The following MAF variants were observed in gnomAD, a reference collection of about 807,000 sequenced individuals.
The protein encoded by MAF is transcription factor Maf.
MAF carries 10 observed loss-of-function variants against 22.0 expected under a neutral mutation model. That is an observed-to-expected ratio of 0.45 (90% CI 0.28 to 0.77). MAF has a LOEUF of 0.77. Among genes scored for constraint, MAF ranks in the 30% least tolerant of loss-of-function variants. MAF has a pLI of 0.12. For missense variants in MAF, 544 were observed against 548.4 expected (o/e 0.99, Z 0.08); for synonymous variants, 337 against 255.8 (o/e 1.32, Z -3.03).
the MAF span, among the ~76,000 whole-genome samples, chr16:79,431,382 C>A: frequency 6.6e-6 from 1 of 152,198 alleles, no homozygotes; most frequent in African/African-American, 2.4e-5. Flanking sequence ...TAACATTAAG[C>A]AAGTTATTTA....
the MAF span, among the ~76,000 whole-genome samples, chr16:79,561,353 A>G: frequency 0.015 from 2,238 of 150,290 alleles, 49 homozygotes; most frequent in African/African-American, 0.053. Context: ...TTTAGGGTAC[A>G]TGTGCACAAC....
At chr16:79,514,490 G>A in the MAF span, among the ~76,000 whole-genome samples, 2 of 152,190 alleles carry the variant, frequency 1.3e-5, no homozygotes, top group African/African-American at 4.8e-5. Flanking sequence ...TTCCTTGTCA[G>A]TTGAGAATTG....
At chr16:79,216,420 T>G in the MAF span, among the ~76,000 whole-genome samples, 1 of 152,202 alleles carries the variant, frequency 6.6e-6, no homozygotes, top group Non-Finnish European at 1.5e-5. Context: ...ACTTATGATT[T>G]TTGAACTTTA....
chr16:79,389,745 C>T, the MAF span, among the ~76,000 whole-genome samples: 23 of 151,960 alleles, frequency 1.5e-4, 1 homozygote, highest in Middle Eastern at 3.4e-3. Flanking sequence ...GGGAGCCCGA[C>T]GCGGGCGGAT....
At chr16:79,496,244 G>C in the MAF span, among the ~76,000 whole-genome samples, 1 of 152,196 alleles carries the variant, frequency 6.6e-6, no homozygotes, top group South Asian at 2.1e-4. Context: ...AGCAAAGAAA[G>C]AGAATAGGGA....
At chr16:79,587,037 C>T (rs1756808970) in intron 1 of MAF, among the ~76,000 whole-genome samples, 2 of 152,194 alleles carry the variant, frequency 1.3e-5, no homozygotes, top group African/African-American at 2.4e-5. Flanking sequence ...TGTAACAGAA[C>T]ATATAATCTT....
the MAF span, among the ~76,000 whole-genome samples, chr16:79,331,430 A>G: frequency 6.6e-6 from 1 of 152,184 alleles, no homozygotes; most frequent in Non-Finnish European, 1.5e-5. Context: ...TTCACCCTTC[A>G]TGGCTTGGAC....
chr16:79,304,556 A>G, the MAF span, among the ~76,000 whole-genome samples: 2 of 152,200 alleles, frequency 1.3e-5, no homozygotes, highest in Non-Finnish European at 1.5e-5. Flanking sequence ...TTTTGATTCC[A>G]TAAGTTGGAG....
At chr16:79,587,795 A>C (rs912289433) in intron 1 of MAF, among the ~76,000 whole-genome samples, 1 of 142,136 alleles carries the variant, frequency 7.0e-6, no homozygotes, top group Non-Finnish European at 1.5e-5. Context: ...CATTGGTGTC[A>C]TTTTCTTCAA....
At chr16:79,468,984 G>A in the MAF span, among the ~76,000 whole-genome samples, 1 of 152,080 alleles carries the variant, frequency 6.6e-6, no homozygotes, top group African/African-American at 2.4e-5. Flanking sequence ...GATGTTGTTT[G>A]ACAAGCAGAT....
At chr16:79,436,114 G>T in the MAF span, among the ~76,000 whole-genome samples, 1 of 152,170 alleles carries the variant, frequency 6.6e-6, no homozygotes, top group Non-Finnish European at 1.5e-5. Flanking sequence ...ACAGAGTCTA[G>T]CTCTGTCACC....
chr16:79,436,989 A>C, the MAF span, among the ~76,000 whole-genome samples: 1 of 152,216 alleles, frequency 6.6e-6, no homozygotes, highest in African/African-American at 2.4e-5. Flanking sequence ...TTGTTCAGAA[A>C]TCCCGCACTT....
chr16:79,490,425 G>T, the MAF span, among the ~76,000 whole-genome samples: 49,712 of 152,116 alleles, frequency 0.33, 8,454 homozygotes, highest in East Asian at 0.51. Flanking sequence ...GGATTCCTCT[G>T]CCTGAAAGCA....
At chr16:79,496,732 G>C in the MAF span, among the ~76,000 whole-genome samples, 66 of 152,170 alleles carry the variant, frequency 4.3e-4, no homozygotes, top group Middle Eastern at 0.02. Flanking sequence ...ATAAACAATG[G>C]GGCTATGAAA....
chr16:79,227,966 C>T, the MAF span, among the ~76,000 whole-genome samples: 1 of 152,110 alleles, frequency 6.6e-6, no homozygotes, highest in East Asian at 1.9e-4. Context: ...TGCTATGGCA[C>T]AATTATAGCT....
chr16:79,294,279 T>C, the MAF span, among the ~76,000 whole-genome samples: 1 of 152,234 alleles, frequency 6.6e-6, no homozygotes, highest in Non-Finnish European at 1.5e-5. Flanking sequence ...GTGTCCTTTT[T>C]CCTTGAGCAA....
chr16:79,461,980 A>T, the MAF span, among the ~76,000 whole-genome samples: 1 of 152,158 alleles, frequency 6.6e-6, no homozygotes, highest in African/African-American at 2.4e-5. Context: ...AGTTTATGAG[A>T]AGGCACCTGC....
At chr16:79,255,148 T>G in the MAF span, among the ~76,000 whole-genome samples, 1 of 152,212 alleles carries the variant, frequency 6.6e-6, no homozygotes, top group African/African-American at 2.4e-5. Context: ...ATCCAATAAC[T>G]GATGCATATA....
chr16:79,368,104 A>G, the MAF span, among the ~76,000 whole-genome samples: 7 of 152,186 alleles, frequency 4.6e-5, no homozygotes, highest in Admixed American at 2.0e-4. Context: ...CCTGCTCTCC[A>G]GAGAGGCAGG....
Sources: gnomAD v4.1 joint callset for allele counts (sites outside exome capture counted in the v4.1 genomes callset) on GRCh38, gnomAD v4.1.1 for gene constraint, MANE v1.5 for transcripts, NCBI Gene and HGNC (gene_info 2026-07-23, HGNC 2026-07-21) for gene names.